Variants in TLE4 observed in about 807,000 individuals in gnomAD.
The protein encoded by TLE4 is TLE family member 4, transcriptional corepressor, also known as transducin-like enhancer protein 4.
Under a neutral mutation model 92.8 loss-of-function variants are expected in TLE4, and 8 were observed. The ratio of observed to expected loss-of-function variants is 0.09; its 90% CI spans 0.05 to 0.16. The LOEUF (loss-of-function observed/expected upper bound fraction) is 0.16, where lower values mean the gene tolerates loss of function less well. Among genes scored for constraint, TLE4 ranks in the 10% least tolerant of loss-of-function variants. The pLI is 1.00. For synonymous variants in TLE4, 371 were observed against 374.1 expected (o/e 0.99, Z 0.10); for missense variants, 675 against 997.6 (o/e 0.68, Z 4.36).
At chr9:79,604,463 A>T (rs1030562204) in intron 4 of TLE4, among the ~76,000 whole-genome samples, 1 of 152,116 alleles carries the variant, frequency 6.6e-6, no homozygotes, top group Non-Finnish European at 1.5e-5. Context: ...AATCAAAGGG[A>T]TTGTAAGGAT....
intron 8 of TLE4, among the ~76,000 whole-genome samples, chr9:79,698,367 G>C (rs553642409): frequency 9.2e-5 from 14 of 152,174 alleles, no homozygotes; most frequent in South Asian, 8.3e-4. Flanking sequence ...CTTACCAGTA[G>C]AGAAGCAGAG....
Position 79,717,523 on chromosome 9 carries a change from C to T in TLE4, c.1341-1199C>T, listed in dbSNP as rs527839156. Reference sequence around the variant, plus strand: ...AAAGCCCGCCACTGTCTAGTGCCCTCATCTTCCACAGCCACAATGCATGCG... The same window carrying T: ...AAAGCCCGCCACTGTCTAGTGCCCTTATCTTCCACAGCCACAATGCATGCG... On this transcript the variant is annotated intron_variant, in intron 14 of 19. Coordinates refer to ENST00000376552, the MANE Select transcript of TLE4 (RefSeq NM_007005.6). Among the ~76,000 whole-genome samples the T allele has an allele frequency of 3.6e-4, 55 of 152,320 alleles. No individual in the cohort carries two copies. In the South Asian group the frequency reaches 4.6e-3, roughly 13 times the overall value.
chr9:79,573,232 C>A (rs951976505), intron 1 of TLE4: 13 of 1,012,042 alleles, frequency 1.3e-5, no homozygotes, highest in Non-Finnish European at 1.5e-5. Flanking sequence ...GGGGCGCCGG[C>A]CCCTCGCGCC....
At chr9:79,684,310 G>C (rs1010908393) in intron 8 of TLE4, among the ~76,000 whole-genome samples, 2 of 152,118 alleles carry the variant, frequency 1.3e-5, no homozygotes, top group Admixed American at 1.3e-4. Flanking sequence ...CCAAACCCCA[G>C]GCCATAGACC....
At chr9:79,655,169 A>G (rs1016741696) in intron 8 of TLE4, among the ~76,000 whole-genome samples, 3 of 151,714 alleles carry the variant, frequency 2.0e-5, no homozygotes, top group African/African-American at 4.9e-5. Flanking sequence ...ACATACATAC[A>G]TACATATGTA....
intron 3 of TLE4, 48 bp downstream of exon 3, chr9:79,574,984 C>T (rs1189844490): frequency 6.5e-7 from 1 of 1,528,750 alleles, no homozygotes; most frequent in Non-Finnish European, 9.1e-7. Context: ...GTTTGGAATA[C>T]CAAAAACAAG....
At chr9:79,664,534 T>G (rs4339716) in intron 8 of TLE4, among the ~76,000 whole-genome samples, 117,213 of 152,128 alleles carry the variant, frequency 0.77, 45,543 homozygotes, top group East Asian at 0.84. Flanking sequence ...ATAAAATCTG[T>G]TAGTAACCTA....
At chr9:79,657,558 G>C (rs2059944240) in intron 8 of TLE4, among the ~76,000 whole-genome samples, 1 of 152,260 alleles carries the variant, frequency 6.6e-6, no homozygotes, top group African/African-American at 2.4e-5. Flanking sequence ...GGAGGTTCCA[G>C]TTCATTAAGA....
chr9:79,718,109 C>T (rs1185915145), intron 14 of TLE4: 2 of 456,128 alleles, frequency 4.4e-6, no homozygotes, highest in East Asian at 6.9e-5. Flanking sequence ...TTTTTAGGTT[C>T]TCATTCCATT....
chr9:79,646,297 C>T (rs2058094076), intron 6 of TLE4, among the ~76,000 whole-genome samples: 2 of 152,090 alleles, frequency 1.3e-5, no homozygotes, highest in Admixed American at 1.3e-4. Flanking sequence ...GGGCAGAGGA[C>T]AGTTTTGACT....
chr9:79,639,475 T>C (rs1404212492), intron 6 of TLE4, among the ~76,000 whole-genome samples: 2 of 152,180 alleles, frequency 1.3e-5, no homozygotes, highest in African/African-American at 4.8e-5. Context: ...AATAATTTTT[T>C]TGTAGCAGTG....
chr9:79,656,271 T>C (rs570313228), intron 8 of TLE4, among the ~76,000 whole-genome samples: 14 of 152,202 alleles, frequency 9.2e-5, no homozygotes, highest in Non-Finnish European at 1.2e-4. Flanking sequence ...CTTTTTATGA[T>C]TGTCTGCTGT....
chr9:79,653,374 A>G (rs1457858983), intron 7 of TLE4, among the ~76,000 whole-genome samples: 3 of 152,256 alleles, frequency 2.0e-5, no homozygotes, highest in Non-Finnish European at 4.4e-5. Flanking sequence ...CTAGAAGACC[A>G]ACATAATTGT....
chr9:79,577,001 T>C (rs567238559), intron 4 of TLE4, among the ~76,000 whole-genome samples: 110 of 151,928 alleles, frequency 7.2e-4, no homozygotes, highest in African/African-American at 2.5e-3. Context: ...ATAAATATTG[T>C]TTGGCGATAG....
At chr9:79,595,909 C>T (rs373029025) in intron 4 of TLE4, among the ~76,000 whole-genome samples, 4 of 150,222 alleles carry the variant, frequency 2.7e-5, no homozygotes, top group East Asian at 2.0e-4. Flanking sequence ...TGCAGTGGCA[C>T]GATCTCAGCT....
At chr9:79,714,792 G>C (rs1588572214) in intron 14 of TLE4, among the ~76,000 whole-genome samples, 1 of 152,344 alleles carries the variant, frequency 6.6e-6, no homozygotes, top group East Asian at 1.9e-4. Context: ...ATATGGATGG[G>C]AGGTACTTAA....
intron 4 of TLE4, among the ~76,000 whole-genome samples, chr9:79,587,380 T>G (rs1350523175): frequency 6.6e-6 from 1 of 152,224 alleles, no homozygotes; most frequent in East Asian, 1.9e-4. Flanking sequence ...GAGCTGCTGA[T>G]TGGCATTTTT....
intron 17 of TLE4, among the ~76,000 whole-genome samples, chr9:79,722,154 ACT>A (rs1034108006): frequency 1.4e-4 from 21 of 151,824 alleles, no homozygotes; most frequent in African/African-American, 9.7e-5. Flanking sequence ...ACAGAGCAAG[ACT>A]CTGTCTGAAA....
intron 5 of TLE4, among the ~76,000 whole-genome samples, chr9:79,622,688 A>C (rs1456327853): frequency 1.3e-5 from 2 of 152,182 alleles, no homozygotes; most frequent in Non-Finnish European, 2.9e-5. Context: ...TCCTTACTCT[A>C]ACCTTAGTAT....
Sources: gnomAD v4.1 joint callset for allele counts (sites outside exome capture counted in the v4.1 genomes callset) on GRCh38, gnomAD v4.1.1 for gene constraint, MANE v1.5 for transcripts, NCBI Gene and HGNC (gene_info 2026-07-23, HGNC 2026-07-21) for gene names.